The following LPGAT1 variants were observed in gnomAD, a reference collection of about 807,000 sequenced individuals.
LPGAT1 encodes the protein acyl-CoA:lysophosphatidylglycerol acyltransferase 1.
In LPGAT1, 11 loss-of-function variants were observed where a neutral mutation model predicts 47.5. The observed-to-expected ratio is 0.23, with a 90% confidence interval of 0.15 to 0.38. LPGAT1 has a LOEUF of 0.38. Ranked by LOEUF, LPGAT1 falls within the 10% of genes least tolerant of loss-of-function variation. The pLI is 1.00. For synonymous variants in LPGAT1, 138 were observed against 144.2 expected (o/e 0.96, Z 0.31); for missense variants, 293 against 439.0 (o/e 0.67, Z 2.97).
At chr1:211,815,605 T>TC (rs1163263455) in intron 2 of LPGAT1, among the ~76,000 whole-genome samples, 1 of 152,034 alleles carries the variant, frequency 6.6e-6, no homozygotes. Context: ...TTAAAACTCT[T>TC]CGATGGTTTC....
intron 2 of LPGAT1, among the ~76,000 whole-genome samples, chr1:211,796,021 T>C (rs1659336499): frequency 6.6e-6 from 1 of 152,008 alleles, no homozygotes; most frequent in Non-Finnish European, 1.5e-5. Flanking sequence ...CACCAAATAG[T>C]CCTTTAACGC....
chr1:211,785,014 A>G (rs372064567), intron 4 of LPGAT1, among the ~76,000 whole-genome samples: 52 of 152,222 alleles, frequency 3.4e-4, no homozygotes, highest in East Asian at 1.5e-3. Context: ...CGTGTTAGCC[A>G]GGATGGTCTC....
chr1:211,829,796 T>C (rs1660662926), intron 1 of LPGAT1: 2 of 988,566 alleles, frequency 2.0e-6, no homozygotes, highest in South Asian at 4.6e-5. Flanking sequence ...GATGCATTCC[T>C]TTAAAAGGTC....
chr1:211,793,083 C>T lies in LPGAT1; in HGVS notation c.346G>A (p.Asp116Asn), dbSNP rs984052974. The T allele has an allele frequency of 4.4e-6, 7 of 1,594,494 alleles. No individual in the cohort carries two copies. In the African/African-American group the frequency reaches 9.5e-5, roughly 22 times the overall value. ...TCAGGGTAGCTTACCAGTCCTTTGT[C>T]CTGGAGGCACATCATCAGTGTGCAC... is the stretch of plus-strand genomic sequence containing the variant. ...DVCTLMMCLQ[D>N]KGLVVAQMMW... The change falls in exon 3 of 8, where the codon GAC (aspartate) becomes AAC (asparagine). Residue 116 changes from aspartate to asparagine, a missense_variant. Physicochemically the swap from Asp to Asn is conservative, Grantham distance 23. Coordinates refer to ENST00000366997, the MANE Select transcript of LPGAT1 (RefSeq NM_014873.3).
intron 2 of LPGAT1, among the ~76,000 whole-genome samples, chr1:211,796,536 C>T (rs1386678204): frequency 1.3e-5 from 2 of 152,146 alleles, no homozygotes; most frequent in African/African-American, 2.4e-5. Flanking sequence ...GCCCTGCTGA[C>T]GCCTTGATTT....
chr1:211,805,679 G>T (rs769119198), intron 2 of LPGAT1, among the ~76,000 whole-genome samples: 1 of 152,006 alleles, frequency 6.6e-6, no homozygotes, highest in Non-Finnish European at 1.5e-5. Flanking sequence ...AAAATAATTT[G>T]GCCCAGATGG....
intron 2 of LPGAT1, among the ~76,000 whole-genome samples, chr1:211,818,034 C>T (rs1465836589): frequency 6.6e-6 from 1 of 151,994 alleles, no homozygotes; most frequent in African/African-American, 2.4e-5. Flanking sequence ...GGGTTTTCAC[C>T]ATGTTGGCCA....
intron 6 of LPGAT1, among the ~76,000 whole-genome samples, chr1:211,766,164 C>A (rs1003909756): frequency 1.3e-5 from 2 of 152,086 alleles, no homozygotes; most frequent in African/African-American, 4.8e-5. Flanking sequence ...ACCATCAGCT[C>A]CCCAGTTCTT....
At chr1:211,770,317 C>G (rs960596493) in intron 6 of LPGAT1, among the ~76,000 whole-genome samples, 2 of 152,170 alleles carry the variant, frequency 1.3e-5, no homozygotes, top group Non-Finnish European at 2.9e-5. Context: ...TCCCTAAAAG[C>G]TCACCAATAT....
chr1:211,782,993 A>C (rs1055896645), intron 5 of LPGAT1, among the ~76,000 whole-genome samples: 1 of 152,236 alleles, frequency 6.6e-6, no homozygotes, highest in South Asian at 2.1e-4. Context: ...GGCTCCGTAT[A>C]AGTAGGACAG....
At chr1:211,826,666 G>GATATATAT (rs10565966) in intron 2 of LPGAT1, among the ~76,000 whole-genome samples, 4 of 148,720 alleles carry the variant, frequency 2.7e-5, no homozygotes, top group African/African-American at 7.4e-5. Context: ...TTTGGAAAAA[G>GATATATAT]ATATATATAT....
intron 2 of LPGAT1, among the ~76,000 whole-genome samples, chr1:211,800,159 C>T (rs1396896259): frequency 6.6e-6 from 1 of 151,548 alleles, no homozygotes; most frequent in South Asian, 2.1e-4. Flanking sequence ...CTCAGCCTCC[C>T]GAGTAACTGG....
At chr1:211,822,203 T>C (rs977813417) in intron 2 of LPGAT1, among the ~76,000 whole-genome samples, 6 of 152,176 alleles carry the variant, frequency 3.9e-5, no homozygotes, top group Non-Finnish European at 7.4e-5. Context: ...TACTGCCCCC[T>C]GAGCTTCTGT....
intron 6 of LPGAT1, among the ~76,000 whole-genome samples, chr1:211,754,333 G>A (rs1342875889): frequency 6.6e-6 from 1 of 152,128 alleles, no homozygotes; most frequent in African/African-American, 2.4e-5. Flanking sequence ...AAGTTCTATG[G>A]TATAAGGTTG....
At chr1:211,759,868 T>C (rs574099158) in intron 6 of LPGAT1, among the ~76,000 whole-genome samples, 2 of 152,246 alleles carry the variant, frequency 1.3e-5, no homozygotes, top group Non-Finnish European at 2.9e-5. Context: ...CAAATGTTCA[T>C]TCATATGTAA....
At chr1:211,754,236 ATTC>A (rs1272242691) in intron 6 of LPGAT1, among the ~76,000 whole-genome samples, 1 of 152,166 alleles carries the variant, frequency 6.6e-6, no homozygotes, top group Non-Finnish European at 1.5e-5. Context: ...CGGGATCTGC[ATTC>A]TTCTTAGATT....
At chr1:211,823,355 C>G (rs1660426247) in intron 2 of LPGAT1, among the ~76,000 whole-genome samples, 1 of 152,158 alleles carries the variant, frequency 6.6e-6, no homozygotes, top group South Asian at 2.1e-4. Context: ...TATACATATT[C>G]CATCTCTTAA....
At chr1:211,810,107 C>T (rs1425685290) in intron 2 of LPGAT1, among the ~76,000 whole-genome samples, 10 of 152,030 alleles carry the variant, frequency 6.6e-5, no homozygotes, top group African/African-American at 2.4e-4. Context: ...TATGGTTCCT[C>T]CCTGCCTGAA....
chr1:211,776,970 T>C (rs1658430095), intron 6 of LPGAT1, among the ~76,000 whole-genome samples: 1 of 152,226 alleles, frequency 6.6e-6, no homozygotes, highest in African/African-American at 2.4e-5. Flanking sequence ...CTAATCCCAA[T>C]TATTTATATT....
Sources: allele counts gnomAD v4.1 joint callset (sites outside exome capture counted in the v4.1 genomes callset), GRCh38; gene constraint gnomAD v4.1.1; transcripts MANE v1.5; gene names NCBI Gene and HGNC (gene_info 2026-07-23, HGNC 2026-07-21).